The following KDM4C variants were observed in gnomAD, a reference collection of about 807,000 sequenced individuals.
KDM4C encodes lysine-specific demethylase 4C.
KDM4C carries 81 observed loss-of-function variants against 129.3 expected under a neutral mutation model. The observed-to-expected ratio is 0.63, with a 90% confidence interval of 0.52 to 0.75. The LOEUF (loss-of-function observed/expected upper bound fraction) is 0.75. Among genes scored for constraint, KDM4C ranks in the 30% least tolerant of loss-of-function variants. The pLI is 0.00. For missense variants in KDM4C, 1,457 were observed against 1,304.0 expected, an observed-to-expected ratio of 1.12 and a Z score of -1.81; for synonymous variants, 573 against 456.1, an observed-to-expected ratio of 1.26 and a Z score of -3.26.
intron 8 of KDM4C, among the ~76,000 whole-genome samples, chr9:6,980,200 G>A (rs2821449): frequency 0.99 from 151,279 of 152,330 alleles, 75,124 homozygotes; most frequent in East Asian, 1. Context: ...GCCTAGACCT[G>A]ATAAAACTTT....
At chr9:7,028,135 C>A (rs1012813451) in intron 15 of KDM4C, among the ~76,000 whole-genome samples, 22 of 152,200 alleles carry the variant, frequency 1.4e-4, no homozygotes, top group African/African-American at 5.1e-4. Flanking sequence ...TACTTTCCCC[C>A]CTACTTTTCT....
intron 3 of KDM4C, among the ~76,000 whole-genome samples, chr9:6,807,023 C>T (rs1830114434): frequency 6.6e-6 from 1 of 152,264 alleles, no homozygotes; most frequent in South Asian, 2.1e-4. Context: ...CTCAGTCTGC[C>T]GAATGCCTGC....
intron 4 of KDM4C, among the ~76,000 whole-genome samples, chr9:6,831,400 C>T (rs1049052438): frequency 6.6e-6 from 1 of 151,774 alleles, no homozygotes; most frequent in Non-Finnish European, 1.5e-5. Flanking sequence ...CAGAGCCTCA[C>T]TCTGTCGGCC....
intron 17 of KDM4C, among the ~76,000 whole-genome samples, chr9:7,071,971 A>G (rs1478576283): frequency 6.6e-6 from 1 of 152,186 alleles, no homozygotes; most frequent in Non-Finnish European, 1.5e-5. Context: ...CTCAACAATA[A>G]AAGAACCTTA....
chr9:7,101,020 T>C (rs890944420), intron 17 of KDM4C, among the ~76,000 whole-genome samples: 1 of 152,202 alleles, frequency 6.6e-6, no homozygotes, highest in Non-Finnish European at 1.5e-5. Flanking sequence ...GTCATTGCTG[T>C]TTTGGCTTCA....
In KDM4C at chr9:6,748,396, A is replaced by G. The variant is rs541319400; in HGVS notation, c.49+27399A>G. On this transcript the variant is annotated intron_variant, in intron 1 of 17. Transcript: ENST00000536108. Reference sequence around the variant, plus strand: ...GTGGCACATGCCTGTAATCTCAGCTACTAGGGAGGCTGAGGCAGGAGAATC... The same window carrying G: ...GTGGCACATGCCTGTAATCTCAGCTGCTAGGGAGGCTGAGGCAGGAGAATC... 3.9e-5 allele frequency among the ~76,000 whole-genome samples: 6 copies of G among 152,040 alleles called. No homozygotes were observed. The South Asian group carries it at 1.2e-3, about 32-fold the overall frequency.
chr9:7,001,288 A>C (rs1820675906), intron 12 of KDM4C, among the ~76,000 whole-genome samples: 2 of 152,228 alleles, frequency 1.3e-5, no homozygotes, highest in African/African-American at 2.4e-5. Flanking sequence ...CTAGAAACTT[A>C]AGGAGGAATG....
At chr9:6,859,473 CAAAAAAAA>C (rs58056883) in intron 5 of KDM4C, among the ~76,000 whole-genome samples, 1 of 47,846 alleles carries the variant, frequency 2.1e-5, no homozygotes, top group Non-Finnish European at 3.7e-5. Flanking sequence ...GACTCTGTCT[CAAAAAAAA>C]AAAAAAAAAA....
chr9:6,732,700 C>T (rs1298302225), intron 1 of KDM4C, among the ~76,000 whole-genome samples: 2 of 152,064 alleles, frequency 1.3e-5, no homozygotes, highest in African/African-American at 4.8e-5. Flanking sequence ...TGTAAAATGG[C>T]AGAGACCAAA....
chr9:6,736,731 G>C (rs1275318124), intron 1 of KDM4C, among the ~76,000 whole-genome samples: 1 of 152,094 alleles, frequency 6.6e-6, no homozygotes, highest in Non-Finnish European at 1.5e-5. Context: ...CTTCAGCAAA[G>C]TTTTAGGATA....
At chr9:6,895,406 C>G (rs562164681) in intron 8 of KDM4C, among the ~76,000 whole-genome samples, 1 of 152,322 alleles carries the variant, frequency 6.6e-6, no homozygotes, top group South Asian at 2.1e-4. Context: ...AGAGGCTGGA[C>G]TTTTCTCCTA....
intron 2 of KDM4C, among the ~76,000 whole-genome samples, chr9:6,802,471 A>G (rs1345352856): frequency 6.6e-6 from 1 of 152,240 alleles, no homozygotes; most frequent in Non-Finnish European, 1.5e-5. Flanking sequence ...GTACAAAAAT[A>G]TTAATAGCAT....
intron 8 of KDM4C, among the ~76,000 whole-genome samples, chr9:6,948,663 G>C (rs1827441490): frequency 6.6e-6 from 1 of 151,600 alleles, no homozygotes; most frequent in Non-Finnish European, 1.5e-5. Context: ...CTGGGTACTT[G>C]AGATTAGGGA....
intron 19 of KDM4C, among the ~76,000 whole-genome samples, chr9:7,139,567 T>G (rs1471407263): frequency 6.6e-6 from 1 of 152,222 alleles, no homozygotes; most frequent in Non-Finnish European, 1.5e-5. Flanking sequence ...ATATATATTG[T>G]AAAGACTGTC....
chr9:6,727,128 G>A (rs1172300243), intron 1 of KDM4C: 1 of 152,172 alleles, frequency 6.6e-6, no homozygotes, highest in Non-Finnish European at 1.5e-5. Flanking sequence ...CCAGGGCAGT[G>A]GCTCACGCCT....
At chr9:6,865,277 G>A (rs541299414) in intron 5 of KDM4C, among the ~76,000 whole-genome samples, 3 of 151,962 alleles carry the variant, frequency 2.0e-5, no homozygotes, top group South Asian at 4.1e-4. Context: ...CAAAGTTTTG[G>A]GATTACAAGC....
chr9:7,142,504 G>T (rs923415750), intron 19 of KDM4C, among the ~76,000 whole-genome samples: 5 of 152,072 alleles, frequency 3.3e-5, no homozygotes, highest in African/African-American at 9.7e-5. Context: ...CTGCTATGTT[G>T]CCCTGAGAAG....
intron 1 of KDM4C, among the ~76,000 whole-genome samples, chr9:6,761,813 T>G (rs1372735782): frequency 6.6e-6 from 1 of 152,060 alleles, no homozygotes. Flanking sequence ...CTCTGTCTCT[T>G]TTTTCTTTTT....
chr9:6,752,663 C>T (rs1415996098), upstream of KDM4C, among the ~76,000 whole-genome samples: 3 of 151,814 alleles, frequency 2.0e-5, no homozygotes, highest in African/African-American at 7.3e-5. Flanking sequence ...GTCCACCTCG[C>T]CTTCCCTGGA....
Sources: allele counts gnomAD v4.1 joint callset (sites outside exome capture counted in the v4.1 genomes callset), GRCh38; gene constraint gnomAD v4.1.1; transcripts MANE v1.5; gene names NCBI Gene and HGNC (gene_info 2026-07-23, HGNC 2026-07-21).